Variants in SRI observed in about 807,000 individuals in gnomAD.
SRI encodes the protein sorcin.
A neutral mutation model predicts 33.3 loss-of-function variants in SRI; 30 were observed. The observed-to-expected ratio is 0.90, with a 90% CI of 0.67 to 1.22. The LOEUF is 1.22. Ranked by LOEUF, SRI falls within the 50% of genes most tolerant of loss-of-function variation. The probability of loss-of-function intolerance (pLI) is 0.00; values close to 1 mark genes in which losing one functional copy is unlikely to be tolerated. For synonymous variants in SRI, 75 were observed against 89.9 expected (o/e 0.83, Z 0.94); for missense variants, 243 against 250.8 (o/e 0.97, Z 0.21).
At chr7:88,223,722 G>A (rs1246962595), upstream of SRI, among the ~76,000 whole-genome samples, 1 of 152,130 alleles carries the variant, frequency 6.6e-6, no homozygotes, top group Non-Finnish European at 1.5e-5. Context: ...CTGAGCTCTT[G>A]GATGTACAGA....
At chr7:88,207,187 A>G (rs1458126843) in intron 7 of SRI, among the ~76,000 whole-genome samples, 6 of 152,196 alleles carry the variant, frequency 3.9e-5, no homozygotes, top group African/African-American at 1.4e-4. Flanking sequence ...TTTTAGAGAA[A>G]AGGAAAATAA....
chr7:88,208,265 T>TAAA, intron 7 of SRI: 1 of 1,042,658 alleles, frequency 9.6e-7, no homozygotes, highest in Non-Finnish European at 1.2e-6. Context: ...ACCCAGCTAA[T>TAAA]AAATACAACA....
intron 1 of SRI, chr7:88,226,855 G>C: frequency 6.3e-7 from 1 of 1,576,078 alleles, no homozygotes; most frequent in Non-Finnish European, 8.7e-7. Flanking sequence ...AGTAGAATTA[G>C]AACATTGGAG....
At chr7:88,225,686 C>G (rs2115837119) in intron 1 of SRI, among the ~76,000 whole-genome samples, 1 of 152,332 alleles carries the variant, frequency 6.6e-6, no homozygotes, top group Middle Eastern at 3.4e-3. Flanking sequence ...TCACGCTATT[C>G]TCTCAGGACT....
intron 3 of SRI, among the ~76,000 whole-genome samples, chr7:88,214,608 AT>A (rs1851662001): frequency 6.6e-6 from 1 of 151,624 alleles, no homozygotes; most frequent in East Asian, 1.9e-4. Context: ...ATTAGTGTTA[AT>A]TCTATTTTAA....
rs376995034 is a variant in SRI at position 88,205,573 on chromosome 7, A to T, written c.*905T>A. 1 of 152,148 alleles carries T rather than the reference A, an allele frequency of 6.6e-6. No homozygotes were observed. The highest frequency in any genetic ancestry group is 2.4e-5 in the African/African-American group (1 of 41,370). The allele number at this position is 152,148 out of a possible 1,614,324, so 9.4% of individuals were successfully genotyped here. A position where few individuals can be genotyped will look rare whatever the true frequency, so the allele number is the denominator to read the frequency against. On this transcript the variant is annotated 3_prime_UTR_variant, in exon 8 of 8. Transcript: ENST00000265729. ...TTTGGAAAAGCAGTAAGAAGGAAGA[A>T]GATGAACTCATGATCCTGACTCCCA...
At chr7:88,219,554 T>G in intron 1 of SRI, 2 of 193,198 alleles carry the variant, frequency 1.0e-5, no homozygotes, top group East Asian at 1.4e-4. Context: ...GTTTGTTTGT[T>G]TGTTTGTTTG....
Position 88,206,364 on chromosome 7 carries a change from G to T in SRI, c.*114C>A. ...ACATAAAGTAATAAACTTTACAACA[G>T]CTGTTAAGAGAAAGTCGTGATGTAA... On this transcript the variant is annotated 3_prime_UTR_variant, in exon 8 of 8. Coordinates refer to ENST00000265729, the MANE Select transcript of SRI (RefSeq NM_003130.4). 8.4e-7 allele frequency: 1 copy of T among 1,191,274 alleles called. No individual in the cohort carries two copies. Among genetic ancestry groups the T allele is most frequent in the Non-Finnish European group, 1.3e-6 (1 of 795,548 alleles). 73.8% of individuals were successfully genotyped at this position (1,191,274 alleles called of 1,614,324 possible).
At chr7:88,219,385 CCGGGCTGT>C (rs1355674545) in intron 1 of SRI, 2 of 209,332 alleles carry the variant, frequency 9.6e-6, no homozygotes. Flanking sequence ...AGGTGTCCGG[CCGGGCTGT>C]ATCTCGTGGG....
chr7:88,209,932 A>C (rs1851531664), intron 5 of SRI, 51 bp downstream of exon 5: 1 of 1,613,026 alleles, frequency 6.2e-7, no homozygotes, highest in Non-Finnish European at 8.5e-7. Flanking sequence ...TAAAAATAAA[A>C]ATCAACTTAC....
chr7:88,210,466 G>C (rs999406792), intron 4 of SRI: 9 of 406,220 alleles, frequency 2.2e-5, no homozygotes, highest in Admixed American at 7.3e-5. Context: ...TTCTGTCCTA[G>C]CATCATCTCT....
At chr7:88,224,822 C>T (rs572321747), upstream of SRI, among the ~76,000 whole-genome samples, 1 of 152,330 alleles carries the variant, frequency 6.6e-6, no homozygotes, top group South Asian at 2.1e-4. Context: ...AACCACAGCT[C>T]TTCAAACAAC....
chr7:88,215,764 C>T (rs889400743), intron 3 of SRI, among the ~76,000 whole-genome samples: 3 of 152,204 alleles, frequency 2.0e-5, no homozygotes, highest in Non-Finnish European at 2.9e-5. Flanking sequence ...TATAAATTCA[C>T]AGCTGTGAAT....
At chr7:88,221,039 C>A (rs1327524093), upstream of SRI, among the ~76,000 whole-genome samples, 1 of 152,168 alleles carries the variant, frequency 6.6e-6, no homozygotes, top group Non-Finnish European at 1.5e-5. Context: ...AAGGACTAGA[C>A]TTAATGATTT....
In SRI at chr7:88,206,397, CA is replaced by C. The variant is rs1308666757; in HGVS notation, c.*80del. ...GAGAAAGTCGTGATGTAAGTTTATA[CA>C]TATTACCGAAGGCAAAGAGGACAAG... On this transcript the variant is annotated 3_prime_UTR_variant, in exon 8 of 8. Transcript: ENST00000265729. The C allele has an allele frequency of 6.7e-7, 1 of 1,494,942 alleles. No individual in the cohort carries two copies. Among genetic ancestry groups the C allele is most frequent in the Non-Finnish European group, 9.3e-7 (1 of 1,071,708 alleles). 92.6% of individuals were successfully genotyped at this position (1,494,942 alleles called of 1,614,324 possible). A position where few individuals can be genotyped will look rare whatever the true frequency, so the allele number is the denominator to read the frequency against.
upstream of SRI, among the ~76,000 whole-genome samples, chr7:88,223,897 G>C (rs774467490): frequency 5.9e-5 from 9 of 152,094 alleles, no homozygotes; most frequent in Non-Finnish European, 1.3e-4. Flanking sequence ...TTGTCAGAAC[G>C]ATTTACTAAG....
At chr7:88,218,978 G>A (rs541345812) in intron 1 of SRI, 36 bp from the exon 2 acceptor site, 10 of 1,589,640 alleles carry the variant, frequency 6.3e-6, no homozygotes, top group African/African-American at 2.7e-5. Context: ...TCATTCTGCC[G>A]AATCAAGTTT....
At chr7:88,219,540 T>TTTTGTTTGTTTG (rs373452972) in intron 1 of SRI, 1 of 174,392 alleles carries the variant, frequency 5.7e-6, no homozygotes, top group Admixed American at 6.6e-5. Flanking sequence ...CTCACTCGTT[T>TTTTGTTTGTTTG]TTTGTTTGTT....
chr7:88,221,284 C>G (rs1239506084), upstream of SRI, among the ~76,000 whole-genome samples: 3 of 152,190 alleles, frequency 2.0e-5, no homozygotes, highest in African/African-American at 7.2e-5. Context: ...CCCTCGCAAG[C>G]CCTTTTGAAA....
Sources: gnomAD v4.1 joint callset for allele counts (sites outside exome capture counted in the v4.1 genomes callset) on GRCh38, gnomAD v4.1.1 for gene constraint, MANE v1.5 for transcripts, NCBI Gene and HGNC (gene_info 2026-07-23, HGNC 2026-07-21) for gene names.